Variants in ZFAND6 observed in about 807,000 individuals in gnomAD.
ZFAND6 encodes the protein AN1-type zinc finger protein 6.
Under a neutral mutation model 24.5 loss-of-function variants are expected in ZFAND6, and 12 were observed. That is an observed-to-expected ratio of 0.49 (90% CI 0.31 to 0.79). ZFAND6 has a LOEUF of 0.79. ZFAND6 is among the 30% of genes least tolerant of loss of function. The pLI is 0.04. For synonymous variants in ZFAND6, 92 were observed against 81.5 expected, an observed-to-expected ratio of 1.13 and a Z score of -0.69; for missense variants, 207 against 245.9, an observed-to-expected ratio of 0.84 and a Z score of 1.06.
At position 80,065,537 on chromosome 15, in the gene ZFAND6, ATTTTTTTTTT is replaced by A. The variant is rs149756891; in HGVS notation, c.-181+5744_-181+5753del. On this transcript the variant is annotated intron_variant, in intron 1 of 6. Coordinates refer to ENST00000261749, the MANE Select transcript of ZFAND6 (RefSeq NM_019006.4). ...GGGCTTCAAATTAGTTTTGGTTTTG[ATTTTTTTTTT>A]TTTTTTTTTTTTTTTGGAGACAGAG... Among the ~76,000 whole-genome samples the A allele has an allele frequency of 6.0e-3, 460 of 76,528 alleles. 3 individuals carry two copies. The highest frequency in any genetic ancestry group is 0.023 in the African/African-American group (442 of 18,984). 50.2% of individuals were successfully genotyped at this position (76,528 alleles called of 152,430 possible). A position where few individuals can be genotyped will look rare whatever the true frequency, so the allele number is the denominator to read the frequency against.
rs2037551471 is a variant in ZFAND6 at position 80,079,958 on chromosome 15, TGAGAAACAGAA to T, written c.-180-18457_-180-18447del. ...AGCCACCACGCCTGGCCCTTAGCTT[TGAGAAACAGAA>T]TACACAACCGTTTTTCTGTTTTTTT... On this transcript the variant is annotated intron_variant, in intron 1 of 6. Coordinates refer to ENST00000261749, the MANE Select transcript of ZFAND6 (RefSeq NM_019006.4). Among the ~76,000 whole-genome samples the T allele has an allele frequency of 7.9e-5, 12 of 151,522 alleles. No homozygotes were observed. In the South Asian group the frequency reaches 2.5e-3, roughly 32 times the overall value.
chr15:80,089,683 G>A (rs538410442), intron 1 of ZFAND6, among the ~76,000 whole-genome samples: 1 of 152,252 alleles, frequency 6.6e-6, no homozygotes, highest in South Asian at 2.1e-4. Flanking sequence ...ATTGCCTGTG[G>A]AAATGGAATA....
intron 1 of ZFAND6, among the ~76,000 whole-genome samples, chr15:80,095,530 A>T (rs1179438720): frequency 2.6e-5 from 4 of 152,236 alleles, no homozygotes; most frequent in African/African-American, 9.6e-5. Context: ...GAGTTTTAAC[A>T]TTCTTTGGTA....
At chr15:80,080,081 C>A (rs2037563601) in intron 1 of ZFAND6, among the ~76,000 whole-genome samples, 1 of 151,980 alleles carries the variant, frequency 6.6e-6, no homozygotes, top group Admixed American at 6.6e-5. Context: ...TCACTGCAAC[C>A]ACCATCTCCA....
At chr15:80,099,186 A>G (rs2038896412) in intron 2 of ZFAND6, among the ~76,000 whole-genome samples, 1 of 152,148 alleles carries the variant, frequency 6.6e-6, no homozygotes, top group South Asian at 2.1e-4. Context: ...AAGAAAAAAA[A>G]TCTCCTTTTC....
At chr15:80,083,072 A>G (rs2037771919) in intron 1 of ZFAND6, among the ~76,000 whole-genome samples, 1 of 152,082 alleles carries the variant, frequency 6.6e-6, no homozygotes, top group Non-Finnish European at 1.5e-5. Context: ...GCTCACTGCA[A>G]GCTCCGCCTC....
At chr15:80,062,738 TC>T (rs1166120795) in intron 1 of ZFAND6, among the ~76,000 whole-genome samples, 1 of 152,116 alleles carries the variant, frequency 6.6e-6, no homozygotes, top group Non-Finnish European at 1.5e-5. Context: ...TATGGGGTTT[TC>T]CCCCTCAAAC....
In ZFAND6 at chr15:80,121,719, T is replaced by A. The variant is rs748682500; in HGVS notation, c.162T>A (p.Ser54=). 6.2e-7 allele frequency: 1 copy of A among 1,613,792 alleles called. No individual in the cohort carries two copies. The highest frequency in any genetic ancestry group is 1.1e-5 in the South Asian group (1 of 91,066). Residue 54 remains serine, a synonymous_variant, in exon 4 of 7, where the codon TCT becomes TCA. Coordinates refer to ENST00000261749, the MANE Select transcript of ZFAND6 (RefSeq NM_019006.4). ...SNGRISPPAT[S]VSSLSESLPV... is the part of the protein sequence containing the mutation. ...AATGTGGTACTGTTACAGCAACCTCTGTCAGTAGTCTGTCTGAATCTTTAC... is the reference window on the plus strand; with the variant it reads ...AATGTGGTACTGTTACAGCAACCTCAGTCAGTAGTCTGTCTGAATCTTTAC...
At chr15:80,094,690 CTT>C (rs2038608919) in intron 1 of ZFAND6, among the ~76,000 whole-genome samples, 1 of 152,158 alleles carries the variant, frequency 6.6e-6, no homozygotes, top group Non-Finnish European at 1.5e-5. Context: ...AGGACCTTCT[CTT>C]GTATAACTGC....
At chr15:80,129,325 A>G (rs2040498668) in intron 5 of ZFAND6, among the ~76,000 whole-genome samples, 6 of 152,240 alleles carry the variant, frequency 3.9e-5, no homozygotes, top group Admixed American at 3.9e-4. Flanking sequence ...GTGGAGTAAC[A>G]TGCTATAGAG....
chr15:80,116,888 T>C (rs371887705), intron 2 of ZFAND6, among the ~76,000 whole-genome samples: 1 of 152,178 alleles, frequency 6.6e-6, no homozygotes, highest in South Asian at 2.1e-4. Flanking sequence ...TACCCTGATA[T>C]AAAACTTTTT....
At chr15:80,086,650 C>A (rs969427247) in intron 1 of ZFAND6, among the ~76,000 whole-genome samples, 3 of 152,174 alleles carry the variant, frequency 2.0e-5, no homozygotes. Context: ...TTAGCTTAAT[C>A]TTTTATTGTG....
intron 5 of ZFAND6, chr15:80,130,973 T>C (rs2040574033): frequency 2.4e-6 from 1 of 419,862 alleles, no homozygotes; most frequent in Non-Finnish European, 4.2e-6. Context: ...TATCATTACA[T>C]ATTCTAGATT....
chr15:80,113,966 G>C (rs2039737734), intron 2 of ZFAND6, among the ~76,000 whole-genome samples: 2 of 151,976 alleles, frequency 1.3e-5, no homozygotes, highest in African/African-American at 4.8e-5. Context: ...AATTTAAGCT[G>C]ATTTCCTGAA....
intron 1 of ZFAND6, among the ~76,000 whole-genome samples, chr15:80,065,003 T>C (rs796891912): frequency 0.011 from 177 of 16,316 alleles, no homozygotes; most frequent in Middle Eastern, 0.038. Context: ...TCTCTCCCCC[T>C]TTTTTTTTTT....
At chr15:80,108,685 A>C (rs891092078) in intron 2 of ZFAND6, among the ~76,000 whole-genome samples, 33 of 152,152 alleles carry the variant, frequency 2.2e-4, no homozygotes, top group African/African-American at 8.0e-4. Flanking sequence ...GGCTGAATGG[A>C]AAAGATGCCC....
chr15:80,096,618 A>G (rs891529421), intron 1 of ZFAND6, among the ~76,000 whole-genome samples: 1 of 152,262 alleles, frequency 6.6e-6, no homozygotes, highest in East Asian at 1.9e-4. Context: ...AAATTAGTCT[A>G]TGAAATTGGA....
chr15:80,070,509 A>G (rs2036914442), intron 1 of ZFAND6, among the ~76,000 whole-genome samples: 1 of 152,184 alleles, frequency 6.6e-6, no homozygotes, highest in African/African-American at 2.4e-5. Context: ...GAAATAAGCT[A>G]ACTCTTAATT....
rs200615757 is a variant in ZFAND6, at chr15:80,104,536, A to AATCCATCC, written c.-18+5979_-18+5986dup. ...CCTGTCTCAAATCAGTCAGTCAGTCAATCCATCCATCCATCCATCCATCCA... is the reference window on the plus strand; with the variant it reads ...CCTGTCTCAAATCAGTCAGTCAGTCAATCCATCCATCCATCCATCCATCCATCCATCCA... On this transcript the variant is annotated intron_variant, in intron 2 of 6. Coordinates refer to ENST00000261749, the MANE Select transcript of ZFAND6 (RefSeq NM_019006.4). Among the ~76,000 whole-genome samples, 4 of 146,762 alleles carry AATCCATCC rather than the reference A, an allele frequency of 2.7e-5. No individual in the cohort carries two copies. The East Asian group carries it at 5.9e-4, about 22-fold the overall frequency.
Sources: allele counts gnomAD v4.1 joint callset (sites outside exome capture counted in the v4.1 genomes callset), GRCh38; gene constraint gnomAD v4.1.1; transcripts MANE v1.5; gene names NCBI Gene and HGNC (gene_info 2026-07-23, HGNC 2026-07-21).